Variants in CANX observed in about 807,000 individuals in gnomAD.
CANX encodes the protein epididymis secretory sperm binding protein.
A neutral mutation model predicts 75.7 loss-of-function variants in CANX; 14 were observed. The observed-to-expected ratio is 0.19, with a 90% CI of 0.12 to 0.29. The LOEUF is 0.29. Ranked by LOEUF, CANX falls within the 10% of genes least tolerant of loss-of-function variation. The pLI is 1.00. For missense variants in CANX, 567 were observed against 713.2 expected (o/e 0.79, Z 2.34); for synonymous variants, 227 against 236.9 (o/e 0.96, Z 0.38).
intron 1 of CANX, chr5:179,678,826 C>T (rs1361472768): frequency 1.3e-6 from 2 of 1,537,020 alleles, no homozygotes; most frequent in Admixed American, 2.0e-5. Context: ...GCTGCACCTG[C>T]GCCTTCCAGC....
At chr5:179,692,568 A>T (rs1458561554) in intron 1 of CANX, among the ~76,000 whole-genome samples, 1 of 152,094 alleles carries the variant, frequency 6.6e-6, no homozygotes, top group East Asian at 1.9e-4. Context: ...TCTGTTGCCC[A>T]GGCTAGTGGA....
At chr5:179,693,172 C>G (rs1205236276) in intron 1 of CANX, among the ~76,000 whole-genome samples, 1 of 150,394 alleles carries the variant, frequency 6.6e-6, no homozygotes, top group East Asian at 2.0e-4. Flanking sequence ...AAGACAAACC[C>G]TATAGTGGAA....
chr5:179,724,262 A>C (rs1778500280), intron 12 of CANX, among the ~76,000 whole-genome samples: 3 of 152,116 alleles, frequency 2.0e-5, no homozygotes, highest in Non-Finnish European at 4.4e-5. Context: ...GCTATCATAA[A>C]AAAAGAAAGT....
upstream of CANX, chr5:179,698,960 G>T (rs1347757443): frequency 9.8e-6 from 11 of 1,119,394 alleles, no homozygotes; most frequent in African/African-American, 1.4e-4. Context: ...GGGCTCGCTC[G>T]CGCGGCAGCG....
At chr5:179,685,130 G>A (rs192802429) in intron 1 of CANX, among the ~76,000 whole-genome samples, 20 of 150,236 alleles carry the variant, frequency 1.3e-4, no homozygotes, top group South Asian at 1.3e-3. Flanking sequence ...GCAGAGTCTC[G>A]CCCTGTCACC....
intron 13 of CANX, among the ~76,000 whole-genome samples, chr5:179,725,189 CTGTT>C (rs144383488): frequency 6.2e-4 from 94 of 152,014 alleles, no homozygotes; most frequent in African/African-American, 2.0e-3. Context: ...CCATGCTCAG[CTGTT>C]TGTTTGTTTG....
At chr5:179,687,244 A>G (rs1338509600) in intron 1 of CANX, among the ~76,000 whole-genome samples, 1 of 152,144 alleles carries the variant, frequency 6.6e-6, no homozygotes, top group East Asian at 1.9e-4. Context: ...CTGGGACTAC[A>G]GGCATGCGCC....
intron 10 of CANX, among the ~76,000 whole-genome samples, chr5:179,721,830 A>G (rs1778329939): frequency 6.6e-6 from 1 of 152,140 alleles, no homozygotes; most frequent in Non-Finnish European, 1.5e-5. Flanking sequence ...ATATGTATAT[A>G]CATATACAGA....
intron 1 of CANX, among the ~76,000 whole-genome samples, chr5:179,692,076 G>A (rs1213109864): frequency 2.8e-5 from 4 of 142,790 alleles, no homozygotes; most frequent in East Asian, 2.1e-4. Context: ...CACCGTGCCC[G>A]GCCTATTTTT....
chr5:179,722,801 TAGGGAA>T lies in CANX; in HGVS notation c.1183-2_1186del. The T allele has an allele frequency of 1.3e-6, 2 of 1,589,026 alleles. No homozygotes were observed. Among genetic ancestry groups the T allele is most frequent in the Admixed American group, 1.7e-5 (1 of 58,286 alleles). ...TGATTTTCTGAAACATTTTTTTTTC[TAGGGAA>T]TCTGGAAACCCAGGAAAATACCAAA... is the stretch of plus-strand genomic sequence containing the variant. On this transcript the variant is annotated splice_acceptor_variant and coding_sequence_variant, in exon 11 of 15. Transcript: ENST00000247461. LOFTEE classifies it high-confidence loss of function.
In CANX at chr5:179,680,974, A is replaced by G. The variant is rs371208247; in HGVS notation, c.-4+2197A>G. 8.9e-4 allele frequency: 1,295 copies of G among 1,460,936 alleles called. 2 individuals carry two copies. Among genetic ancestry groups the G allele is most frequent in the Non-Finnish European group, 1.1e-3 (1,219 of 1,079,352 alleles). 90.5% of individuals were successfully genotyped at this position (1,460,936 alleles called of 1,614,324 possible). A position where few individuals can be genotyped will look rare whatever the true frequency, so the allele number is the denominator to read the frequency against. Reference sequence around the variant, plus strand: ...GGAGGATGTTTCCCCGTTAGTCCTCACTGTATGTTGTGCCTCACCTGGAAG... The same window carrying G: ...GGAGGATGTTTCCCCGTTAGTCCTCGCTGTATGTTGTGCCTCACCTGGAAG... On this transcript the variant is annotated intron_variant, in intron 1 of 14. Transcript: ENST00000681674.
chr5:179,720,656 T>G, intron 10 of CANX, 96 bp downstream of exon 10: 1 of 1,081,256 alleles, frequency 9.2e-7, no homozygotes, highest in East Asian at 2.4e-5. Context: ...GGTCATTATA[T>G]TCAAGCTGTT....
intron 1 of CANX, among the ~76,000 whole-genome samples, chr5:179,702,767 A>T (rs1352003981): frequency 6.6e-6 from 1 of 151,884 alleles, no homozygotes; most frequent in African/African-American, 2.4e-5. Context: ...ATTACAGCTC[A>T]CTTTATTTTT....
At chr5:179,698,480 T>A (rs1461862354), upstream of CANX, 2 of 1,289,266 alleles carry the variant, frequency 1.6e-6, no homozygotes, top group Admixed American at 4.6e-5. Flanking sequence ...GGGCCCGCGT[T>A]CGCTGCAACG....
rs764469757 is a variant in CANX at position 179,716,129 on chromosome 5, A to T, written c.746A>T (p.Glu249Val). 2 of 1,611,354 alleles carry T rather than the reference A, an allele frequency of 1.2e-6. No individual in the cohort carries two copies. Among genetic ancestry groups the T allele is most frequent in the Admixed American group, 3.3e-5 (2 of 59,948 alleles). ...TLILNPDNSF[E>V]ILVDQSVVNS... ...GTCTTGAATCCAGATAATAGTTTTG[A>T]AATACTGGTTGACCAATCTGTGGTG... Residue 249 changes from glutamate (E) to valine (V), a missense_variant, in exon 8 of 15, where the codon GAA becomes GTA. Around this residue, in one of 3 missense-constraint regions of CANX, gnomAD observed 351 missense variants for 433.8 expected, o/e 0.81. Transcript: ENST00000247461.
chr5:179,710,391 C>T (rs113060326), intron 7 of CANX, among the ~76,000 whole-genome samples: 41 of 128,496 alleles, frequency 3.2e-4, no homozygotes, highest in African/African-American at 1.0e-3. Flanking sequence ...CCAGCCTGGG[C>T]GAAAGTGAGA....
chr5:179,708,939 A>G (rs764259747), intron 5 of CANX, 39 bp from the exon 6 acceptor site: 4 of 1,046,566 alleles, frequency 3.8e-6, no homozygotes, highest in African/African-American at 1.6e-5. Flanking sequence ...CGATCTTTCA[A>G]AATGCCATAC....
intron 7 of CANX, among the ~76,000 whole-genome samples, chr5:179,714,187 G>T (rs1386947632): frequency 6.6e-6 from 1 of 152,076 alleles, no homozygotes; most frequent in Non-Finnish European, 1.5e-5. Flanking sequence ...GTTTAGTAGA[G>T]TTGGGGTTTC....
chr5:179,709,665 CTT>C (rs956943606), intron 6 of CANX: 9 of 420,282 alleles, frequency 2.1e-5, no homozygotes, highest in Non-Finnish European at 3.8e-5. Context: ...GTGTGCATTA[CTT>C]TTTTTTAGAC....
Sources: gnomAD v4.1 joint callset for allele counts (sites outside exome capture counted in the v4.1 genomes callset) on GRCh38, gnomAD v4.1.1 for gene constraint, gnomAD v4.1.1 regional missense constraint, MANE v1.5 for transcripts, NCBI Gene and HGNC (gene_info 2026-07-23, HGNC 2026-07-21) for gene names.